Variants in WASF3 observed in about 807,000 individuals in gnomAD.
WASF3 encodes the protein actin-binding protein WASF3.
In WASF3, 11 loss-of-function variants were observed where a neutral mutation model predicts 46.6. The ratio of observed to expected loss-of-function variants is 0.24; its 90% confidence interval spans 0.15 to 0.39. The LOEUF is 0.39. WASF3 is among the 10% of genes least tolerant of loss of function. WASF3 has a pLI of 1.00. For missense variants in WASF3, 576 were observed against 669.8 expected, an observed-to-expected ratio of 0.86 and a Z score of 1.55; for synonymous variants, 242 against 259.7, an observed-to-expected ratio of 0.93 and a Z score of 0.65.
In WASF3 at chr13:26,665,042, G is replaced by A; in HGVS notation, c.148G>A (p.Asp50Asn). 1 of 1,614,070 alleles carries A rather than the reference G, an allele frequency of 6.2e-7. No homozygotes were observed. Among genetic ancestry groups the A allele is most frequent in the Non-Finnish European group, 8.5e-7 (1 of 1,179,962 alleles). Residue 50 changes from aspartate to asparagine, a missense_variant, in exon 4 of 10, where the codon GAC becomes AAC. Transcript: ENST00000335327. ...QLSSLSKHAEDIFGELFNEAN... is the reference protein window; with the variant it reads ...QLSSLSKHAENIFGELFNEAN... The stretch of plus-strand genomic sequence containing the variant: ...TTATTCTACAGGCAAACATGCTGAA[G>A]ACATATTTGGTGAGTTGTTTAATGA...
At chr13:26,563,568 T>C (rs1405201170) in intron 1 of WASF3, among the ~76,000 whole-genome samples, 5 of 147,350 alleles carry the variant, frequency 3.4e-5, no homozygotes, top group Non-Finnish European at 7.4e-5. Context: ...GGCAGGAGAA[T>C]TGCTTGAACC....
chr13:26,573,943 TCAA>T (rs1879713440), intron 1 of WASF3, among the ~76,000 whole-genome samples: 1 of 152,226 alleles, frequency 6.6e-6, no homozygotes. Flanking sequence ...AATCTTTCAT[TCAA>T]CAAGTTTTGT....
At chr13:26,570,909 T>A (rs1200807458) in intron 1 of WASF3, among the ~76,000 whole-genome samples, 1 of 152,228 alleles carries the variant, frequency 6.6e-6, no homozygotes, top group Non-Finnish European at 1.5e-5. Flanking sequence ...CCATTTTGCA[T>A]TACTCTGAGC....
chr13:26,627,535 A>G (rs566936798), intron 2 of WASF3, among the ~76,000 whole-genome samples: 1 of 152,242 alleles, frequency 6.6e-6, no homozygotes, highest in South Asian at 2.1e-4. Flanking sequence ...TTATTCATTC[A>G]GAATACATTT....
chr13:26,670,311 C>T (rs908421654), intron 5 of WASF3, among the ~76,000 whole-genome samples: 1 of 151,358 alleles, frequency 6.6e-6, no homozygotes, highest in Non-Finnish European at 1.5e-5. Context: ...AACATATGGG[C>T]ACAGGGAGGG....
upstream of WASF3, among the ~76,000 whole-genome samples, chr13:26,554,084 C>CTTTTCT: frequency 2.8e-5 from 1 of 36,230 alleles, no homozygotes; most frequent in South Asian, 1.3e-3. Flanking sequence ...TCCTTCCTTC[C>CTTTTCT]TTCCTTCCTT....
chr13:26,631,963 G>T (rs1881664361), intron 2 of WASF3, among the ~76,000 whole-genome samples: 1 of 152,098 alleles, frequency 6.6e-6, no homozygotes, highest in African/African-American at 2.4e-5. Flanking sequence ...TCATGATTTG[G>T]CTCTTTGTTT....
chr13:26,596,386 T>C (rs1880463609), intron 1 of WASF3, among the ~76,000 whole-genome samples: 1 of 152,106 alleles, frequency 6.6e-6, no homozygotes, highest in Non-Finnish European at 1.5e-5. Flanking sequence ...GTTTTTTTCA[T>C]TAGACAAAGA....
chr13:26,653,261 C>G (rs994524422), intron 3 of WASF3, among the ~76,000 whole-genome samples: 3 of 152,060 alleles, frequency 2.0e-5, no homozygotes, highest in African/African-American at 7.2e-5. Context: ...TATTATTTTT[C>G]CCCCTCTTTC....
intron 1 of WASF3, among the ~76,000 whole-genome samples, chr13:26,562,264 C>G (rs939985486): frequency 6.6e-6 from 1 of 152,106 alleles, no homozygotes; most frequent in Admixed American, 6.5e-5. Flanking sequence ...ATAATAGGCT[C>G]CCACACTGGG....
At chr13:26,624,326 G>T (rs550285206) in intron 2 of WASF3, among the ~76,000 whole-genome samples, 7 of 152,272 alleles carry the variant, frequency 4.6e-5, no homozygotes, top group Admixed American at 3.9e-4. Context: ...TAGCAAACTG[G>T]ATGTAGCTGA....
intron 2 of WASF3, among the ~76,000 whole-genome samples, chr13:26,623,385 G>A (rs1881365471): frequency 6.6e-6 from 1 of 152,132 alleles, no homozygotes; most frequent in South Asian, 2.1e-4. Context: ...TCCCAGGAGG[G>A]CAATGAAACC....
chr13:26,676,831 C>T (rs1190625408), intron 7 of WASF3, 107 bp downstream of exon 7: 2 of 1,060,682 alleles, frequency 1.9e-6, no homozygotes, highest in East Asian at 5.3e-5. Flanking sequence ...TTATATGGCC[C>T]TTGATGTCTT....
At chr13:26,565,875 A>C (rs568828304) in intron 1 of WASF3, among the ~76,000 whole-genome samples, 1 of 152,348 alleles carries the variant, frequency 6.6e-6, no homozygotes, top group South Asian at 2.1e-4. Flanking sequence ...CCATTGTGTT[A>C]CAGAGCATTC....
intron 1 of WASF3, among the ~76,000 whole-genome samples, chr13:26,566,696 G>A (rs907855548): frequency 1.3e-5 from 2 of 152,224 alleles, no homozygotes; most frequent in African/African-American, 2.4e-5. Flanking sequence ...GGACAGTCCT[G>A]TGGGAGGTTT....
chr13:26,564,900 G>GTTTTTTTTTTTTTTTTTTT (rs66809412), intron 1 of WASF3, among the ~76,000 whole-genome samples: 20 of 81,634 alleles, frequency 2.4e-4, no homozygotes, highest in East Asian at 4.2e-4. Flanking sequence ...CAAGGTTGTG[G>GTTTTTTTTTTTTTTTTTTT]TTTTTTTTTT....
In WASF3 at chr13:26,684,565, GAAT is replaced by G. The variant is rs543835405; in HGVS notation, c.1352-1118_1352-1116del. On this transcript the variant is annotated intron_variant, in intron 9 of 9. Coordinates refer to ENST00000335327, the MANE Select transcript of WASF3 (RefSeq NM_006646.6). ...TAGATTGGGTCTTTTTGCAAAATTT[GAAT>G]AATATTTGTAGGATAGATAGTAGTA... Among the ~76,000 whole-genome samples the G allele has an allele frequency of 2.6e-3, 391 of 152,218 alleles. 1 individual carries two copies. Among genetic ancestry groups the G allele is most frequent in the African/African-American group, 9.0e-3 (375 of 41,542 alleles).
At chr13:26,638,596 G>A (rs1881899974) in intron 2 of WASF3, 1 of 152,192 alleles carries the variant, frequency 6.6e-6, no homozygotes, top group African/African-American at 2.4e-5. Context: ...TTAAATGTTT[G>A]TTTTTGTAAT....
chr13:26,587,175 C>CT (rs369210650), intron 1 of WASF3, among the ~76,000 whole-genome samples: 5,328 of 117,626 alleles, frequency 0.045, 117 homozygotes, highest in Middle Eastern at 0.077. Context: ...ATTTTTTTTG[C>CT]TTTTTTTTTT....
Sources: gnomAD v4.1 joint callset for allele counts (sites outside exome capture counted in the v4.1 genomes callset) on GRCh38, gnomAD v4.1.1 for gene constraint, MANE v1.5 for transcripts, NCBI Gene and HGNC (gene_info 2026-07-23, HGNC 2026-07-21) for gene names.